LIN54: variants seen among roughly 807,000 people sequenced by gnomAD.
LIN54 encodes protein lin-54 homolog.
LIN54 carries 9 observed loss-of-function variants against 78.7 expected under a neutral mutation model. The ratio of observed to expected loss-of-function variants is 0.11; its 90% CI spans 0.07 to 0.20. The LOEUF (loss-of-function observed/expected upper bound fraction) is 0.20, where lower values mean the gene tolerates loss of function less well. LIN54 is among the 10% of genes least tolerant of loss of function. LIN54 has a pLI of 1.00. For missense variants in LIN54, 573 were observed against 889.9 expected, an observed-to-expected ratio of 0.64 and a Z score of 4.53; for synonymous variants, 269 against 318.4, an observed-to-expected ratio of 0.84 and a Z score of 1.65.
intron 1 of LIN54, among the ~76,000 whole-genome samples, chr4:82,989,939 G>A (rs998384648): frequency 1.3e-5 from 2 of 152,164 alleles, no homozygotes; most frequent in Non-Finnish European, 2.9e-5. Context: ...CCATGAAGTT[G>A]AGTGTACAAC....
chr4:82,999,919 G>T (rs1400676628), intron 1 of LIN54, among the ~76,000 whole-genome samples: 1 of 151,980 alleles, frequency 6.6e-6, no homozygotes, highest in Non-Finnish European at 1.5e-5. Flanking sequence ...TTGAGACAGG[G>T]TCTCACTCTG....
intron 11 of LIN54, among the ~76,000 whole-genome samples, chr4:82,931,691 A>G (rs935347152): frequency 3.9e-5 from 6 of 152,224 alleles, no homozygotes; most frequent in East Asian, 1.9e-4. Context: ...TACATTTCAT[A>G]TAAATATATA....
rs151223574 is a variant in LIN54, at chr4:82,939,929, C to T, written c.1202G>A (p.Arg401Gln). ...KPVVVNTTPV[R>Q]MSVPIVSAQA... Reference sequence around the variant, plus strand: ...AGCTGAGACAATTGGAACTGACATCCGCACTGGGGTTGTATTAACAACCAC... The same window carrying T: ...AGCTGAGACAATTGGAACTGACATCTGCACTGGGGTTGTATTAACAACCAC... Residue 401 changes from arginine to glutamine, a missense_variant, in exon 6 of 13, where the codon CGG becomes CAG. Transcript: ENST00000340417. 9.3e-5 allele frequency: 150 copies of T among 1,610,850 alleles called. No homozygotes were observed. Among genetic ancestry groups the T allele is most frequent in the Middle Eastern group, 6.6e-4 (4 of 6,060 alleles).
At chr4:82,931,292 A>G (rs1257908001) in intron 11 of LIN54, 147 bp from the exon 12 acceptor site, 16 of 661,282 alleles carry the variant, frequency 2.4e-5, no homozygotes, top group Non-Finnish European at 3.4e-5. Context: ...GACAAACAGT[A>G]ACTACACATG....
At chr4:83,004,613 C>T (rs1729181252) in intron 1 of LIN54, among the ~76,000 whole-genome samples, 1 of 143,792 alleles carries the variant, frequency 7.0e-6, no homozygotes, top group African/African-American at 2.4e-5. Context: ...CCTCAGCCTC[C>T]CGAGTAGCGG....
chr4:82,974,733 T>C (rs1726013584), intron 3 of LIN54, among the ~76,000 whole-genome samples: 1 of 151,658 alleles, frequency 6.6e-6, no homozygotes, highest in Non-Finnish European at 1.5e-5. Context: ...TGAGACTCCA[T>C]CTTAAATCCC....
chr4:82,978,003 T>C (rs1035323640), intron 3 of LIN54, among the ~76,000 whole-genome samples: 6 of 152,078 alleles, frequency 3.9e-5, no homozygotes, highest in African/African-American at 1.2e-4. Flanking sequence ...AAGAGAGCAA[T>C]AGGATGGGTC....
chr4:82,942,106 G>A (rs981743287), intron 5 of LIN54, among the ~76,000 whole-genome samples: 14 of 151,182 alleles, frequency 9.3e-5, no homozygotes, highest in African/African-American at 2.7e-4. Context: ...AATTTCCTTA[G>A]ATAGAAAGGC....
intron 2 of LIN54, among the ~76,000 whole-genome samples, chr4:82,980,257 G>A (rs1039568402): frequency 2.0e-5 from 3 of 151,862 alleles, no homozygotes; most frequent in African/African-American, 7.3e-5. Flanking sequence ...ATTTACCTGG[G>A]ATAAAAATCA....
intron 4 of LIN54, among the ~76,000 whole-genome samples, chr4:82,967,306 G>A (rs914801720): frequency 5.3e-5 from 8 of 152,098 alleles, no homozygotes; most frequent in African/African-American, 9.7e-5. Context: ...TAAATGCAGC[G>A]AGAGTTCCTG....
At chr4:82,984,987 T>C (rs1458821559) in intron 1 of LIN54, 111 bp from the exon 2 acceptor site, 5 of 677,544 alleles carry the variant, frequency 7.4e-6, no homozygotes, top group Non-Finnish European at 1.2e-5. Context: ...GATATATAAT[T>C]GAATGAAGAA....
intron 2 of LIN54, among the ~76,000 whole-genome samples, chr4:82,981,053 T>C (rs1726592230): frequency 6.6e-6 from 1 of 152,182 alleles, no homozygotes; most frequent in Admixed American, 6.5e-5. Flanking sequence ...CTATGAATTC[T>C]AAAGTATCCT....
rs1257068041 is a variant in LIN54, at chr4:82,925,623, T to C, written c.*2479A>G. The stretch of plus-strand genomic sequence containing the variant: ...TTTAGTTGTGTGTTTTCAGAAGTAA[T>C]GTCAAATTTACTTCAGATAATTTAA... On this transcript the variant is annotated 3_prime_UTR_variant, in exon 13 of 13. Transcript: ENST00000340417. The C allele has an allele frequency of 6.5e-6, 1 of 152,678 alleles. No homozygotes were observed. The highest frequency in any genetic ancestry group is 1.9e-4 in the East Asian group (1 of 5,206). 9.5% of individuals were successfully genotyped at this position (152,678 alleles called of 1,614,324 possible). A position where few individuals can be genotyped will look rare whatever the true frequency, so the allele number is the denominator to read the frequency against.
chr4:82,942,745 C>G (rs1421852117), intron 5 of LIN54, among the ~76,000 whole-genome samples: 1 of 152,014 alleles, frequency 6.6e-6, no homozygotes, highest in African/African-American at 2.4e-5. Flanking sequence ...CCAAAAACTT[C>G]CTGGTGGTCC....
intron 3 of LIN54, among the ~76,000 whole-genome samples, chr4:82,975,746 C>CA (rs1050715011): frequency 2.3e-4 from 34 of 149,912 alleles, no homozygotes; most frequent in African/African-American, 7.3e-4. Flanking sequence ...AACAAAAAAA[C>CA]AAAAAAAACT....
At chr4:82,986,053 G>C (rs1727102150) in intron 1 of LIN54, among the ~76,000 whole-genome samples, 1 of 152,144 alleles carries the variant, frequency 6.6e-6, no homozygotes, top group Admixed American at 6.5e-5. Flanking sequence ...AGACTAAATA[G>C]CAGTGAGTTA....
At chr4:83,006,596 T>C (rs1295888556) in intron 1 of LIN54, among the ~76,000 whole-genome samples, 5 of 59,804 alleles carry the variant, frequency 8.4e-5, no homozygotes, top group Admixed American at 2.4e-4. Flanking sequence ...GAATCTAAAA[T>C]AAAAGCTGAA....
intron 4 of LIN54, among the ~76,000 whole-genome samples, chr4:82,963,681 TAA>T (rs56008629): frequency 9.0e-4 from 133 of 147,632 alleles, no homozygotes; most frequent in Non-Finnish European, 7.7e-4. Flanking sequence ...GAGCAACCAC[TAA>T]AAAAAAAAAA....
chr4:82,933,605 T>C (rs1290029648), intron 11 of LIN54, among the ~76,000 whole-genome samples: 1 of 152,246 alleles, frequency 6.6e-6, no homozygotes, highest in African/African-American at 2.4e-5. Flanking sequence ...CCACAGCTAA[T>C]TTACAGCCAA....
Sources: gnomAD v4.1 joint callset for allele counts (sites outside exome capture counted in the v4.1 genomes callset) on GRCh38, gnomAD v4.1.1 for gene constraint, MANE v1.5 for transcripts, NCBI Gene and HGNC (gene_info 2026-07-23, HGNC 2026-07-21) for gene names.